Variants in ARHGEF17 observed in about 807,000 individuals in gnomAD.
ARHGEF17 encodes the protein Rho guanine nucleotide exchange factor 17.
Under a neutral mutation model 174.0 loss-of-function variants are expected in ARHGEF17, and 80 were observed. The ratio of observed to expected loss-of-function variants is 0.46; its 90% CI spans 0.38 to 0.55. The LOEUF (loss-of-function observed/expected upper bound fraction) is 0.55. Ranked by LOEUF, ARHGEF17 falls within the 20% of genes least tolerant of loss-of-function variation. The pLI is 0.00. For synonymous variants in ARHGEF17, 1,311 were observed against 1,189.1 expected, an observed-to-expected ratio of 1.10 and a Z score of -2.11; for missense variants, 2,886 against 2,839.7, an observed-to-expected ratio of 1.02 and a Z score of -0.37.
chr11:73,362,388 C>A, intron 13 of ARHGEF17, 45 bp from the exon 14 acceptor site: 2 of 1,484,678 alleles, frequency 1.3e-6, no homozygotes, highest in East Asian at 2.3e-5. Context: ...ACCGGGGCCC[C>A]GTCTGGCTCG....
intron 2 of ARHGEF17, among the ~76,000 whole-genome samples, chr11:73,350,852 G>C (rs1292523836): frequency 6.6e-6 from 1 of 152,104 alleles, no homozygotes; most frequent in African/African-American, 2.4e-5. Flanking sequence ...AGTAATTTAC[G>C]CATTTATCGT....
Position 73,367,524 on chromosome 11 carries a change from G to A in ARHGEF17, c.5996-60G>A, listed in dbSNP as rs970641135. 50 of 1,453,434 alleles carry A rather than the reference G, an allele frequency of 3.4e-5. No individual in the cohort carries two copies. The East Asian group carries it at 5.0e-4, about 15-fold the overall frequency. The allele number at this position is 1,453,434 out of a possible 1,614,324, so 90.0% of individuals were successfully genotyped here. A position where few individuals can be genotyped will look rare whatever the true frequency, so the allele number is the denominator to read the frequency against. On this transcript the variant is annotated intron_variant, in intron 20 of 20. Transcript: ENST00000263674. ...TCTGGGGTGTGGGAATTCAGGCCCC[G>A]ATGGGACAGTGAAGCCTCCATTCGC...
Position 73,365,185 on chromosome 11 carries a change from G to A in ARHGEF17, c.5551-205G>A. ...GTTCTCTGATCCTTAAATCACTCAA[G>A]TTTAATGGGGAAAAAGCACCTCCAT... On this transcript the variant is annotated intron_variant, in intron 18 of 20. Coordinates refer to ENST00000263674, the MANE Select transcript of ARHGEF17 (RefSeq NM_014786.4). This position sits in a 1 kb window ranked among gnomAD's most constrained non-coding sequence, Gnocchi z 4.9. 1.6e-6 allele frequency: 1 copy of A among 607,462 alleles called. No individual in the cohort carries two copies. Among genetic ancestry groups the A allele is most frequent in the Non-Finnish European group, 2.9e-6 (1 of 346,774 alleles). 37.6% of individuals were successfully genotyped at this position (607,462 alleles called of 1,614,324 possible).
chr11:73,337,515 G>C (rs1478010977), intron 1 of ARHGEF17, among the ~76,000 whole-genome samples: 1 of 152,034 alleles, frequency 6.6e-6, no homozygotes, highest in African/African-American at 2.4e-5. Context: ...ACATCCCAGA[G>C]CTCAAGTGAT....
rs1865751749 is a variant in ARHGEF17 at position 73,362,193 on chromosome 11, A to C, written c.4648A>C (p.Ile1550Leu). Reference sequence around the variant, plus strand: ...CTGCATCGCCGTCTGTTCCGCCCGCATCCTCTGCATCGGGGCGGTGCCCGG... The same window carrying C: ...CTGCATCGCCGTCTGTTCCGCCCGCCTCCTCTGCATCGGGGCGGTGCCCGG... Reference protein sequence around the residue: ...EACIAVCSARILCIGAVPGLQ... With the variant: ...EACIAVCSARLLCIGAVPGLQ... The change falls in exon 13 of 21, where the codon ATC (isoleucine) becomes CTC (leucine). Residue 1550 changes from isoleucine (I) to leucine (L), a missense_variant. Transcript: ENST00000263674. 4.5e-6 allele frequency: 7 copies of C among 1,572,520 alleles called. No homozygotes were observed. Among genetic ancestry groups the C allele is most frequent in the Non-Finnish European group, 6.0e-6 (7 of 1,163,372 alleles).
At chr11:73,329,347 A>T (rs866855162) in intron 1 of ARHGEF17, among the ~76,000 whole-genome samples, 1 of 30,738 alleles carries the variant, frequency 3.3e-5, no homozygotes, top group African/African-American at 3.4e-4. Flanking sequence ...ATATATATAT[A>T]TATATATATA....
chr11:73,346,440 C>A (rs981095596), intron 1 of ARHGEF17, among the ~76,000 whole-genome samples: 23 of 152,226 alleles, frequency 1.5e-4, no homozygotes, highest in African/African-American at 5.1e-4. Context: ...GTGGGCAGCC[C>A]AGCCAGGTGG....
chr11:73,315,081 T>C (rs1864907197), intron 1 of ARHGEF17, among the ~76,000 whole-genome samples: 1 of 152,228 alleles, frequency 6.6e-6, no homozygotes, highest in Admixed American at 6.5e-5. Flanking sequence ...TATCTTACAG[T>C]GCAGACTTAG....
intron 1 of ARHGEF17, chr11:73,343,368 G>A (rs1239692954): frequency 1.0e-5 from 4 of 387,984 alleles, no homozygotes; most frequent in Non-Finnish European, 9.1e-6. Flanking sequence ...GTGGGGGGAG[G>A]GGAGGCATGG....
intron 1 of ARHGEF17, among the ~76,000 whole-genome samples, chr11:73,317,493 A>T (rs1864947776): frequency 6.6e-6 from 1 of 152,198 alleles, no homozygotes; most frequent in South Asian, 2.1e-4. Flanking sequence ...AGTTCCCACT[A>T]AGCAGAGTTG....
In ARHGEF17 at chr11:73,310,141, C is replaced by T; in HGVS notation, c.1503C>T (p.Pro501=). 1.9e-6 allele frequency: 3 copies of T among 1,613,952 alleles called. No individual in the cohort carries two copies. Among genetic ancestry groups the T allele is most frequent in the East Asian group, 2.2e-5 (1 of 44,892 alleles). ...GCTCCGGGGACCGTGGAAGCAACCC[C>T]CTAGATGGCAGAGACTCACCATCCG... ...GGSSGDRGSN[P]LDGRDSPSAG... The change falls in exon 1 of 21, where the codon CCC becomes CCT. Residue 501 remains proline, a synonymous_variant. Transcript: ENST00000263674.
intron 1 of ARHGEF17, among the ~76,000 whole-genome samples, chr11:73,334,129 C>T (rs1022890826): frequency 7.2e-5 from 11 of 152,210 alleles, no homozygotes; most frequent in Admixed American, 5.2e-4. Flanking sequence ...AGTACCTGGG[C>T]AGCTTGCCTG....
Position 73,308,801 on chromosome 11 carries a change from T to A in ARHGEF17, c.163T>A (p.Ser55Thr). 1 of 1,362,168 alleles carries A rather than the reference T, an allele frequency of 7.3e-7. No individual in the cohort carries two copies. The highest frequency in any genetic ancestry group is 9.4e-7 in the Non-Finnish European group (1 of 1,064,530). The allele number at this position is 1,362,168 out of a possible 1,614,324, so 84.4% of individuals were successfully genotyped here. A position where few individuals can be genotyped will look rare whatever the true frequency, so the allele number is the denominator to read the frequency against. Residue 55 changes from serine (S) to threonine (T), a missense_variant, in exon 1 of 21, where the codon TCT becomes ACT. Ser to Thr is a moderately conservative substitution (Grantham distance 58). Around this residue, in one of 4 missense-constraint regions of ARHGEF17, gnomAD observed 1,728 missense variants for 1,461.2 expected, o/e 1.18. Coordinates refer to ENST00000263674, the MANE Select transcript of ARHGEF17 (RefSeq NM_014786.4). ...RPTTAARGQP[S>T]RRVSKLASGP... ...GACCACGGCTGCCCGGGGCCAGCCCTCTCGGCGCGTGTCCAAGCTGGCGTC... is the reference window on the plus strand; with the variant it reads ...GACCACGGCTGCCCGGGGCCAGCCCACTCGGCGCGTGTCCAAGCTGGCGTC...
At chr11:73,358,177 AAGG>A (rs1267613372) in intron 9 of ARHGEF17, among the ~76,000 whole-genome samples, 1 of 152,224 alleles carries the variant, frequency 6.6e-6, no homozygotes, top group African/African-American at 2.4e-5. Flanking sequence ...TTTCTGTCAA[AAGG>A]AGTAGATCGG....
At chr11:73,339,418 A>C (rs1350220351) in intron 1 of ARHGEF17, among the ~76,000 whole-genome samples, 1 of 152,190 alleles carries the variant, frequency 6.6e-6, no homozygotes, top group Non-Finnish European at 1.5e-5. Flanking sequence ...TTCATTTATC[A>C]TGATTTCATC....
intron 1 of ARHGEF17, among the ~76,000 whole-genome samples, chr11:73,334,185 A>T (rs1865252542): frequency 6.6e-6 from 1 of 152,220 alleles, no homozygotes; most frequent in Non-Finnish European, 1.5e-5. Context: ...GCCAAAAAGG[A>T]GGCTGCTGAT....
chr11:73,365,314 T>C lies in ARHGEF17; in HGVS notation c.5551-76T>C. ...AGTGTGAGTTGTGAGGGATGGACACTGGTGAAGCTCCAGGCTAGGGTGGGC... is the reference window on the plus strand; with the variant it reads ...AGTGTGAGTTGTGAGGGATGGACACCGGTGAAGCTCCAGGCTAGGGTGGGC... On this transcript the variant is annotated intron_variant, in intron 18 of 20. Coordinates refer to ENST00000263674, the MANE Select transcript of ARHGEF17 (RefSeq NM_014786.4). This position sits in a 1 kb window ranked among gnomAD's most constrained non-coding sequence, Gnocchi z 4.9. 6.5e-7 allele frequency: 1 copy of C among 1,542,584 alleles called. No homozygotes were observed. The highest frequency in any genetic ancestry group is 8.9e-7 in the Non-Finnish European group (1 of 1,127,704).
At chr11:73,342,134 G>GGGGTGGGAGCACAGTCTAT (rs1865379924) in intron 1 of ARHGEF17, among the ~76,000 whole-genome samples, 1 of 151,630 alleles carries the variant, frequency 6.6e-6, no homozygotes, top group Non-Finnish European at 1.5e-5. Context: ...GCACAGTCTA[G>GGGGTGGGAGCACAGTCTAT]GGATGGGAGC....
chr11:73,309,313 C>G lies in ARHGEF17; in HGVS notation c.675C>G (p.Ala225=), dbSNP rs770598516. The G allele has an allele frequency of 6.2e-7, 1 of 1,606,208 alleles. No individual in the cohort carries two copies. The highest frequency in any genetic ancestry group is 1.7e-5 in the Admixed American group (1 of 59,840). ...HSWHIFSQPQ[A]GARASCSSSS... ...GGCATATCTTCTCCCAACCGCAGGCCGGGGCCCGGGCCTCCTGCTCCTCCT... is the reference window on the plus strand; with the variant it reads ...GGCATATCTTCTCCCAACCGCAGGCGGGGGCCCGGGCCTCCTGCTCCTCCT... Residue 225 remains alanine (A), a synonymous_variant, in exon 1 of 21, where the codon GCC becomes GCG. Coordinates refer to ENST00000263674, the MANE Select transcript of ARHGEF17 (RefSeq NM_014786.4).
Sources: gnomAD v4.1 joint callset for allele counts (sites outside exome capture counted in the v4.1 genomes callset) on GRCh38, gnomAD v4.1.1 for gene constraint, gnomAD v4.1.1 regional missense constraint, Gnocchi (gnomAD v3.1) non-coding constraint, MANE v1.5 for transcripts, NCBI Gene and HGNC (gene_info 2026-07-23, HGNC 2026-07-21) for gene names.